The following UNC79 variants were observed in gnomAD, a reference collection of about 807,000 sequenced individuals.
UNC79 encodes the protein protein unc-79 homolog.
UNC79 carries 37 observed loss-of-function variants against 283.1 expected under a neutral mutation model. The observed-to-expected ratio is 0.13, with a 90% CI of 0.10 to 0.17. The LOEUF (loss-of-function observed/expected upper bound fraction) is 0.17. UNC79 is among the 10% of genes least tolerant of loss of function. The probability of loss-of-function intolerance (pLI) is 1.00; values close to 1 mark genes in which losing one functional copy is unlikely to be tolerated. For missense variants in UNC79, 2,272 were observed against 3,211.1 expected (o/e 0.71, Z 7.07); for synonymous variants, 1,107 against 1,200.2 (o/e 0.92, Z 1.61).
intron 47 of UNC79, among the ~76,000 whole-genome samples, chr14:93,696,753 A>G (rs1043198552): frequency 1.3e-4 from 20 of 151,914 alleles, no homozygotes; most frequent in Non-Finnish European, 2.6e-4. Context: ...TGTCTTTGGA[A>G]TTTTTAATTT....
chr14:93,472,886 T>G (rs1194741874), intron 2 of UNC79, among the ~76,000 whole-genome samples: 1 of 152,144 alleles, frequency 6.6e-6, no homozygotes, highest in Non-Finnish European at 1.5e-5. Context: ...ATAAAAGCAC[T>G]TTGCAAGTGC....
chr14:93,617,385 T>C lies in UNC79; in HGVS notation c.4224+81T>C. 3 of 1,429,782 alleles carry C rather than the reference T, an allele frequency of 2.1e-6. No homozygotes were observed. The South Asian group carries it at 4.8e-5, about 23-fold the overall frequency. 88.6% of individuals were successfully genotyped at this position (1,429,782 alleles called of 1,614,324 possible). On this transcript the variant is annotated intron_variant, in intron 28 of 48. Coordinates refer to ENST00000555664, the Ensembl canonical transcript of UNC79. The surrounding 1 kb of genome is among the most constrained non-coding windows in gnomAD (Gnocchi z 4.5). ...AGCATTAGGAGAACACCTGAGTCTTTAGTTGAAAATTTTGTAGAAGTTTGA... is the reference window on the plus strand; with the variant it reads ...AGCATTAGGAGAACACCTGAGTCTTCAGTTGAAAATTTTGTAGAAGTTTGA...
chr14:93,502,663 A>G (rs1030798324), intron 7 of UNC79, among the ~76,000 whole-genome samples: 1 of 152,230 alleles, frequency 6.6e-6, no homozygotes, highest in African/African-American at 2.4e-5. Flanking sequence ...AGTAAGGAAC[A>G]GCAGCAGTTA....
At chr14:93,364,035 T>C (rs1171390472) in intron 1 of UNC79, among the ~76,000 whole-genome samples, 1 of 152,164 alleles carries the variant, frequency 6.6e-6, no homozygotes, top group Non-Finnish European at 1.5e-5. Flanking sequence ...AATGCCTTTC[T>C]TTGTCCTTTT....
intron 30 of UNC79, among the ~76,000 whole-genome samples, 165 bp downstream of exon 32, chr14:93,623,006 A>G (rs1208108530): frequency 6.6e-6 from 1 of 152,260 alleles, no homozygotes; most frequent in African/African-American, 2.4e-5. Flanking sequence ...TTTAATGGAC[A>G]ATGTTGGATG....
At chr14:93,356,169 A>G (rs1452139348) in intron 1 of UNC79, among the ~76,000 whole-genome samples, 1 of 152,022 alleles carries the variant, frequency 6.6e-6, no homozygotes, top group Non-Finnish European at 1.5e-5. Context: ...CTGGGATTAC[A>G]GGCACCTGCC....
chr14:93,568,241 T>C (rs1215369239), intron 14 of UNC79, among the ~76,000 whole-genome samples: 1 of 152,206 alleles, frequency 6.6e-6, no homozygotes, highest in Non-Finnish European at 1.5e-5. Flanking sequence ...TGTTGTTTTG[T>C]GATCAGTGGG....
At chr14:93,506,060 T>C (rs2059521760) in intron 7 of UNC79, among the ~76,000 whole-genome samples, 1 of 152,054 alleles carries the variant, frequency 6.6e-6, no homozygotes, top group African/African-American at 2.4e-5. Context: ...ATTTTCCCCT[T>C]TTTGTATCTC....
chr14:93,407,759 A>G (rs1476360381), intron 1 of UNC79, among the ~76,000 whole-genome samples: 1 of 152,174 alleles, frequency 6.6e-6, no homozygotes, highest in Non-Finnish European at 1.5e-5. Flanking sequence ...AGATTATAGA[A>G]TGCTTCTCCT....
At chr14:93,573,280 A>T (rs577468743) in intron 16 of UNC79, among the ~76,000 whole-genome samples, 1 of 152,122 alleles carries the variant, frequency 6.6e-6, no homozygotes, top group Non-Finnish European at 1.5e-5. Flanking sequence ...ATTATCCCCT[A>T]TGTGAACTTT....
rs114473369 is a variant in UNC79 at position 93,549,074 on chromosome 14, A to G, written c.1755+6378A>G. ...ATGTCTTTAGCATTTGTAAAAAATA[A>G]GAAGCTAAAAGCAGATAAACTTATG... On this transcript the variant is annotated intron_variant, in intron 14 of 48. Coordinates refer to ENST00000555664, the Ensembl canonical transcript of UNC79. Among the ~76,000 whole-genome samples, 584 of 152,360 alleles carry G rather than the reference A, an allele frequency of 3.8e-3. 6 individuals carry two copies. The highest frequency in any genetic ancestry group is 0.013 in the African/African-American group (547 of 41,586).
At position 93,600,552 on chromosome 14, in the gene UNC79, T is replaced by A; in HGVS notation, c.3373-17T>A. 6.4e-7 allele frequency: 1 copy of A among 1,565,950 alleles called. No individual in the cohort carries two copies. The highest frequency in any genetic ancestry group is 8.6e-7 in the Non-Finnish European group (1 of 1,159,110). On this transcript the variant is annotated splice_polypyrimidine_tract_variant and intron_variant, in intron 24 of 48. Transcript: ENST00000555664. ...TGACTTTCTTCTTTTCTTTTTTTTT[T>A]TCCTCCTCTTTCCCAGGGTCTATGT...
In UNC79 at chr14:93,600,007, C is replaced by CT. The variant is rs564355358; in HGVS notation, c.3373-562_3373-561insT. Among the ~76,000 whole-genome samples, 229 of 152,098 alleles carry CT rather than the reference C, an allele frequency of 1.5e-3. 1 individual carries two copies. The East Asian group carries it at 0.016, about 11-fold the overall frequency. On this transcript the variant is annotated intron_variant, in intron 24 of 48. Transcript: ENST00000555664. ...ACGAGGTCAGGAGATCGAGACCATC[C>CT]GGCTAACACAGTGAAACCTCGTCTC...
chr14:93,674,136 T>A (rs1428784134), intron 41 of UNC79, among the ~76,000 whole-genome samples: 1 of 152,076 alleles, frequency 6.6e-6, no homozygotes, highest in African/African-American at 2.4e-5. Context: ...GCTATGATAG[T>A]GCCATGAGAG....
chr14:93,658,359 A>G (rs2071178514), intron 38 of UNC79, among the ~76,000 whole-genome samples: 1 of 152,156 alleles, frequency 6.6e-6, no homozygotes, highest in Non-Finnish European at 1.5e-5. Flanking sequence ...GTAGGGCTTG[A>G]GGATTTGCAT....
At chr14:93,468,309 T>G (rs935788010) in intron 2 of UNC79, among the ~76,000 whole-genome samples, 3 of 152,230 alleles carry the variant, frequency 2.0e-5, no homozygotes, top group African/African-American at 7.2e-5. Flanking sequence ...AATAGGGCTC[T>G]TTTTCTTTTG....
In UNC79 at chr14:93,347,321, C is replaced by A. The variant is rs766317592; in HGVS notation, c.-351+13798C>A. The stretch of plus-strand genomic sequence containing the variant: ...GCCCGCCGCCACTACCGCCGCTTGG[C>A]CCTGCTCGGCCTGCAGCCCGCTCCC... On this transcript the variant is annotated intron_variant, in intron 1 of 49. Coordinates refer to the UNC79 transcript ENST00000256339. The A allele has an allele frequency of 1.4e-5, 22 of 1,603,962 alleles. No individual in the cohort carries two copies. The Admixed American group carries it at 3.5e-4, about 26-fold the overall frequency.
chr14:93,352,457 C>T (rs1312870640), intron 1 of UNC79, among the ~76,000 whole-genome samples: 1 of 152,152 alleles, frequency 6.6e-6, no homozygotes, highest in African/African-American at 2.4e-5. Flanking sequence ...GTTTGACACT[C>T]AAGTTATTGA....
chr14:93,693,472 G>A (rs1035788911), intron 46 of UNC79, among the ~76,000 whole-genome samples: 1 of 152,134 alleles, frequency 6.6e-6, no homozygotes, highest in East Asian at 1.9e-4. Flanking sequence ...TATTACAAAA[G>A]AATTTGAATT....
Sources: allele counts gnomAD v4.1 joint callset (sites outside exome capture counted in the v4.1 genomes callset), GRCh38; gene constraint gnomAD v4.1.1; non-coding constraint Gnocchi (gnomAD v3.1); transcripts MANE v1.5; gene names NCBI Gene and HGNC (gene_info 2026-07-23, HGNC 2026-07-21).